Variants in ZNF385D observed in about 807,000 individuals in gnomAD.
The protein encoded by ZNF385D is zinc finger protein 659.
A neutral mutation model predicts 35.8 loss-of-function variants in ZNF385D; 15 were observed. The observed-to-expected ratio is 0.42, with a 90% CI of 0.28 to 0.64. The LOEUF (loss-of-function observed/expected upper bound fraction) is 0.64. Ranked by LOEUF, ZNF385D falls within the 30% of genes least tolerant of loss-of-function variation. The probability of loss-of-function intolerance (pLI) is 0.23; values close to 1 mark genes in which losing one functional copy is unlikely to be tolerated. For missense variants in ZNF385D, 474 were observed against 494.6 expected (o/e 0.96, Z 0.39); for synonymous variants, 212 against 186.8 (o/e 1.13, Z -1.10).
At chr3:21,990,429 A>G (rs1265314292) in intron 3 of ZNF385D, among the ~76,000 whole-genome samples, 3 of 152,200 alleles carry the variant, frequency 2.0e-5, no homozygotes, top group Admixed American at 2.0e-4. Flanking sequence ...AGAGCTCATA[A>G]TATTGCCTGT....
At chr3:21,475,930 A>G (rs1335409253) in intron 4 of ZNF385D, among the ~76,000 whole-genome samples, 2 of 150,936 alleles carry the variant, frequency 1.3e-5, no homozygotes, top group Admixed American at 6.6e-5. Context: ...TCCTTTAGAT[A>G]TAGCTTTTGT....
chr3:21,756,711 A>G (rs1283429784), intron 3 of ZNF385D, among the ~76,000 whole-genome samples: 2 of 152,196 alleles, frequency 1.3e-5, no homozygotes, highest in African/African-American at 4.8e-5. Flanking sequence ...TGTTGAAAGT[A>G]TAATAACTTT....
chr3:22,287,940 A>T (rs1702110098), intron 2 of ZNF385D, among the ~76,000 whole-genome samples: 2 of 152,084 alleles, frequency 1.3e-5, no homozygotes, highest in African/African-American at 2.4e-5. Flanking sequence ...GAGGAAGTTC[A>T]GTGGGAATAA....
At chr3:21,902,979 A>G (rs1397906152) in intron 3 of ZNF385D, among the ~76,000 whole-genome samples, 3 of 152,030 alleles carry the variant, frequency 2.0e-5, no homozygotes, top group African/African-American at 4.8e-5. Flanking sequence ...TGTTTCTGTC[A>G]TCTTTGAGAC....
At chr3:21,878,384 CCTA>C (rs1164043826) in intron 3 of ZNF385D, among the ~76,000 whole-genome samples, 1 of 151,904 alleles carries the variant, frequency 6.6e-6, no homozygotes, top group African/African-American at 2.4e-5. Flanking sequence ...TAAGGAACTC[CCTA>C]CTATCAGTTT....
chr3:22,064,903 A>G (rs1185635548), intron 3 of ZNF385D, among the ~76,000 whole-genome samples: 1 of 152,226 alleles, frequency 6.6e-6, no homozygotes, highest in African/African-American at 2.4e-5. Flanking sequence ...AATGCATTGT[A>G]TATTTAAAAA....
intron 2 of ZNF385D, among the ~76,000 whole-genome samples, chr3:22,196,901 G>T (rs929355997): frequency 6.6e-6 from 1 of 151,928 alleles, no homozygotes; most frequent in Non-Finnish European, 1.5e-5. Flanking sequence ...GGGTCTGCAG[G>T]TGGCAAATTC....
chr3:22,083,523 G>T (rs111735710), intron 3 of ZNF385D, among the ~76,000 whole-genome samples: 44 of 151,882 alleles, frequency 2.9e-4, no homozygotes, highest in African/African-American at 8.2e-4. Flanking sequence ...GAGAAGAGAA[G>T]TTTAGAGAAA....
intron 3 of ZNF385D, among the ~76,000 whole-genome samples, chr3:22,113,441 A>C (rs1426469596): frequency 6.6e-6 from 1 of 152,124 alleles, no homozygotes; most frequent in Non-Finnish European, 1.5e-5. Context: ...TATCAGAACT[A>C]TACCTTGGTT....
intron 3 of ZNF385D, among the ~76,000 whole-genome samples, chr3:21,811,875 G>T (rs1237050774): frequency 6.6e-6 from 1 of 152,122 alleles, no homozygotes; most frequent in African/African-American, 2.4e-5. Flanking sequence ...ATTGCATAAT[G>T]AATAGATTAG....
At chr3:22,096,414 A>C (rs564612670) in intron 3 of ZNF385D, among the ~76,000 whole-genome samples, 8 of 152,220 alleles carry the variant, frequency 5.3e-5, no homozygotes, top group African/African-American at 1.4e-4. Context: ...TTGAATTATA[A>C]AATTTCTTAC....
At chr3:21,424,592 C>T (rs1298648985) in intron 6 of ZNF385D, among the ~76,000 whole-genome samples, 4 of 150,602 alleles carry the variant, frequency 2.7e-5, no homozygotes, top group South Asian at 2.1e-4. Flanking sequence ...AGATTACAGG[C>T]GTGAGCCACT....
chr3:21,923,169 GC>G, intron 3 of ZNF385D, among the ~76,000 whole-genome samples: 1 of 152,008 alleles, frequency 6.6e-6, no homozygotes, highest in African/African-American at 2.4e-5. Context: ...ATCTCCTAAT[GC>G]TATCCCTCCC....
chr3:21,564,524 C>A (rs750768024), intron 3 of ZNF385D, 50 bp downstream of exon 3: 3 of 1,196,996 alleles, frequency 2.5e-6, no homozygotes, highest in South Asian at 1.6e-5. Flanking sequence ...AAGATTAGAA[C>A]AGCAAAATGT....
At chr3:21,933,210 T>C (rs1472476208) in intron 3 of ZNF385D, among the ~76,000 whole-genome samples, 2 of 152,186 alleles carry the variant, frequency 1.3e-5, no homozygotes, top group African/African-American at 2.4e-5. Context: ...AAATAATATT[T>C]TATGTTGCTT....
intron 3 of ZNF385D, among the ~76,000 whole-genome samples, chr3:22,136,756 TAAAAA>T (rs916399603): frequency 3.3e-5 from 5 of 151,756 alleles, no homozygotes; most frequent in Admixed American, 6.6e-5. Flanking sequence ...TATTCAGTGA[TAAAAA>T]GAAGAGAACT....
rs1251847918 is a variant in ZNF385D at position 21,421,131 on chromosome 3, T to C, written c.*83A>G. ...CTTCAGATATACTTTAAACTATAAA[T>C]AAACACTGCATAGTTCTCTTTTGTT... is the stretch of plus-strand genomic sequence containing the variant. On this transcript the variant is annotated 3_prime_UTR_variant, in exon 8 of 8. Coordinates refer to ENST00000281523, the MANE Select transcript of ZNF385D (RefSeq NM_024697.3). 7 of 902,814 alleles carry C rather than the reference T, an allele frequency of 7.8e-6. No individual in the cohort carries two copies. The highest frequency in any genetic ancestry group is 2.8e-5 in the Admixed American group (1 of 35,266). The allele number at this position is 902,814 out of a possible 1,614,324, so 55.9% of individuals were successfully genotyped here.
chr3:22,316,232 T>G (rs1332373047), intron 2 of ZNF385D, among the ~76,000 whole-genome samples: 3 of 152,126 alleles, frequency 2.0e-5, no homozygotes, highest in Admixed American at 6.5e-5. Flanking sequence ...AACCAAATTT[T>G]CCATAAAAAA....
intron 1 of ZNF385D, among the ~76,000 whole-genome samples, chr3:21,668,433 T>C (rs1358754347): frequency 6.6e-6 from 1 of 152,062 alleles, no homozygotes; most frequent in African/African-American, 2.4e-5. Context: ...CAATCCTATA[T>C]CCCTCACGTC....
Sources: allele counts gnomAD v4.1 joint callset (sites outside exome capture counted in the v4.1 genomes callset), GRCh38; gene constraint gnomAD v4.1.1; transcripts MANE v1.5; gene names NCBI Gene and HGNC (gene_info 2026-07-23, HGNC 2026-07-21).